Variants in AGBL4 observed in about 807,000 individuals in gnomAD.
AGBL4 encodes cytosolic carboxypeptidase 6.
In AGBL4, 58 loss-of-function variants were observed where a neutral mutation model predicts 66.4. The observed-to-expected ratio is 0.87, with a 90% confidence interval of 0.71 to 1.09. The LOEUF is 1.09. AGBL4 is among the 50% of genes least tolerant of loss of function. The probability of loss-of-function intolerance (pLI) is 0.00; values close to 1 mark genes in which losing one functional copy is unlikely to be tolerated. For missense variants in AGBL4, 579 were observed against 631.0 expected, an observed-to-expected ratio of 0.92 and a Z score of 0.88; for synonymous variants, 234 against 222.9, an observed-to-expected ratio of 1.05 and a Z score of -0.44.
intron 1 of AGBL4, among the ~76,000 whole-genome samples, chr1:49,874,392 T>C (rs778294005): frequency 2.0e-5 from 3 of 152,058 alleles, no homozygotes; most frequent in Non-Finnish European, 4.4e-5. Context: ...ATGTTACACA[T>C]CTTGATTATA....
chr1:49,329,672 C>A (rs1553183988), intron 3 of AGBL4, among the ~76,000 whole-genome samples: 1 of 150,932 alleles, frequency 6.6e-6, no homozygotes, highest in Non-Finnish European at 1.5e-5. Flanking sequence ...CGCCCCCCGC[C>A]AAAAAAAAGC....
At chr1:49,573,469 G>A (rs1644375160) in intron 3 of AGBL4, among the ~76,000 whole-genome samples, 1 of 151,914 alleles carries the variant, frequency 6.6e-6, no homozygotes, top group Admixed American at 6.6e-5. Flanking sequence ...GGAGTTTAGT[G>A]AGTCTACACA....
intron 7 of AGBL4, among the ~76,000 whole-genome samples, chr1:48,662,274 C>T (rs1350191768): frequency 6.6e-6 from 1 of 152,180 alleles, no homozygotes; most frequent in Non-Finnish European, 1.5e-5. Context: ...CATCTCATGC[C>T]AGCTTCGTAA....
intron 4 of AGBL4, among the ~76,000 whole-genome samples, chr1:49,128,205 A>T (rs1327790806): frequency 6.6e-6 from 1 of 152,080 alleles, no homozygotes; most frequent in Non-Finnish European, 1.5e-5. Context: ...AATTAATCTC[A>T]GATTAGACAC....
intron 3 of AGBL4, among the ~76,000 whole-genome samples, chr1:49,371,248 GATACATAC>G (rs760739499): frequency 0.042 from 5,842 of 137,896 alleles, 390 homozygotes; most frequent in African/African-American, 0.15. Flanking sequence ...TAGATAGATA[GATACATAC>G]ATACATACAT....
At chr1:49,308,797 G>A (rs1207227328) in intron 3 of AGBL4, among the ~76,000 whole-genome samples, 2 of 152,136 alleles carry the variant, frequency 1.3e-5, no homozygotes, top group Non-Finnish European at 2.9e-5. Context: ...AGAGGCTGAC[G>A]TTTAGACTAG....
intron 3 of AGBL4, among the ~76,000 whole-genome samples, chr1:49,567,169 G>A (rs945555181): frequency 2.3e-4 from 35 of 152,214 alleles, no homozygotes; most frequent in African/African-American, 8.0e-4. Context: ...ATTAGGGTGG[G>A]AGTGACCCGA....
chr1:49,490,786 C>T (rs1335472645), intron 3 of AGBL4, among the ~76,000 whole-genome samples: 1 of 151,714 alleles, frequency 6.6e-6, no homozygotes, highest in Admixed American at 6.6e-5. Flanking sequence ...TGTAGTTGTG[C>T]ATTACATACT....
intron 1 of AGBL4, among the ~76,000 whole-genome samples, chr1:49,904,816 C>A (rs992972207): frequency 6.6e-6 from 1 of 152,110 alleles, no homozygotes; most frequent in African/African-American, 2.4e-5. Flanking sequence ...TATTCTCATG[C>A]CACATTAGGC....
At chr1:49,475,811 TTCTC>T (rs955775221) in intron 3 of AGBL4, among the ~76,000 whole-genome samples, 2 of 152,074 alleles carry the variant, frequency 1.3e-5, no homozygotes, top group Admixed American at 6.5e-5. Context: ...TATTTGGATC[TTCTC>T]TCTATTTCTT....
In AGBL4 at chr1:49,559,004, G is replaced by A. The variant is rs936761702; in HGVS notation, c.282+138309C>T. Among the ~76,000 whole-genome samples the A allele has an allele frequency of 3.9e-5, 6 of 152,108 alleles. 1 individual carries two copies. Among genetic ancestry groups the A allele is most frequent in the African/African-American group, 1.4e-4 (6 of 41,424 alleles). ...GTACCTCTGGACCCTCCTGGGGCCT[G>A]GGGGAACTCGCCATCCTGAAGGGAA... On this transcript the variant is annotated intron_variant, in intron 3 of 13. Transcript: ENST00000371839.
intron 3 of AGBL4, among the ~76,000 whole-genome samples, chr1:49,651,560 G>A (rs913621130): frequency 2.0e-5 from 3 of 152,048 alleles, no homozygotes; most frequent in African/African-American, 4.8e-5. Context: ...ACAACAAGCA[G>A]CATTTGAGAA....
intron 1 of AGBL4, among the ~76,000 whole-genome samples, chr1:49,898,590 T>G (rs1649451274): frequency 6.6e-6 from 1 of 152,068 alleles, no homozygotes; most frequent in African/African-American, 2.4e-5. Flanking sequence ...GCTACCATAT[T>G]TTATACAACA....
intron 2 of AGBL4, among the ~76,000 whole-genome samples, chr1:49,796,969 C>T (rs1013851474): frequency 6.6e-6 from 1 of 152,054 alleles, no homozygotes; most frequent in Admixed American, 6.5e-5. Context: ...GACTAGATCT[C>T]ACATGAAGCA....
rs1319277282 is a variant in AGBL4 at position 49,438,843 on chromosome 1, G to A, written c.283-192979C>T. ...TGAGTAATTTGCAATAAACAGAAAT[G>A]TATTGGCTCACAGTTCTGGAGACGC... On this transcript the variant is annotated intron_variant, in intron 3 of 13. Coordinates refer to ENST00000371839, the MANE Select transcript of AGBL4 (RefSeq NM_032785.4). Among the ~76,000 whole-genome samples the A allele has an allele frequency of 2.6e-5, 4 of 152,186 alleles. No individual in the cohort carries two copies. The South Asian group carries it at 6.2e-4, about 24-fold the overall frequency.
chr1:49,047,948 G>A (rs1644120327), intron 4 of AGBL4, among the ~76,000 whole-genome samples: 1 of 152,114 alleles, frequency 6.6e-6, no homozygotes, highest in African/African-American at 2.4e-5. Flanking sequence ...GTGCAAGGAT[G>A]TGGGTATGGA....
chr1:49,951,774 T>C (rs545238625), intron 1 of AGBL4, among the ~76,000 whole-genome samples: 27 of 152,102 alleles, frequency 1.8e-4, no homozygotes, highest in African/African-American at 6.3e-4. Flanking sequence ...ACAATATATA[T>C]GTAAATCAAA....
chr1:49,158,002 T>G lies in AGBL4; in HGVS notation c.377+87768A>C, dbSNP rs569428979. 3.5e-3 allele frequency among the ~76,000 whole-genome samples: 528 copies of G among 152,266 alleles called. 1 individual carries two copies. The highest frequency in any genetic ancestry group is 5.9e-3 in the Non-Finnish European group (399 of 68,014). On this transcript the variant is annotated intron_variant, in intron 4 of 13. Coordinates refer to ENST00000371839, the MANE Select transcript of AGBL4 (RefSeq NM_032785.4). ...TTAGCCCTTTGTCAGATGGATAGAT[T>G]GCAAAAATTTTCTCCCGTTCTGTAG...
intron 2 of AGBL4, among the ~76,000 whole-genome samples, chr1:49,831,193 T>C (rs1411865381): frequency 1.3e-5 from 2 of 152,216 alleles, no homozygotes; most frequent in African/African-American, 4.8e-5. Flanking sequence ...ATAAATTACT[T>C]TGGGCAGTAT....
Sources: gnomAD v4.1 joint callset for allele counts (sites outside exome capture counted in the v4.1 genomes callset) on GRCh38, gnomAD v4.1.1 for gene constraint, MANE v1.5 for transcripts, NCBI Gene and HGNC (gene_info 2026-07-23, HGNC 2026-07-21) for gene names.